ARHGAP26: variants seen among roughly 807,000 people sequenced by gnomAD.
ARHGAP26 encodes rho GTPase-activating protein 26.
ARHGAP26 carries 38 observed loss-of-function variants against 104.8 expected under a neutral mutation model. The observed-to-expected ratio is 0.36, with a 90% CI of 0.28 to 0.48. The LOEUF (loss-of-function observed/expected upper bound fraction) is 0.48. Among genes scored for constraint, ARHGAP26 ranks in the 20% least tolerant of loss-of-function variants. ARHGAP26 has a pLI of 0.99. For missense variants in ARHGAP26, 704 were observed against 947.9 expected, an observed-to-expected ratio of 0.74 and a Z score of 3.38; for synonymous variants, 341 against 340.0, an observed-to-expected ratio of 1.00 and a Z score of -0.03.
At chr5:142,868,393 CAT>C (rs1754702184) in intron 1 of ARHGAP26, among the ~76,000 whole-genome samples, 1 of 152,066 alleles carries the variant, frequency 6.6e-6, no homozygotes, top group African/African-American at 2.4e-5. Flanking sequence ...TCTGGGAAGC[CAT>C]CACAGGGCTC....
At chr5:142,821,239 C>G (rs1766106414) in intron 1 of ARHGAP26, among the ~76,000 whole-genome samples, 1 of 150,570 alleles carries the variant, frequency 6.6e-6, no homozygotes, top group African/African-American at 2.4e-5. Flanking sequence ...GTGCATCTCT[C>G]TATTCCACCC....
chr5:143,118,132 A>G (rs1795712949), intron 17 of ARHGAP26, among the ~76,000 whole-genome samples: 1 of 152,204 alleles, frequency 6.6e-6, no homozygotes, highest in African/African-American at 2.4e-5. Context: ...AGCCTTGCAT[A>G]TTAACAGTTT....
intron 11 of ARHGAP26, among the ~76,000 whole-genome samples, chr5:142,967,830 C>T (rs991236380): frequency 6.6e-6 from 1 of 151,934 alleles, no homozygotes; most frequent in African/African-American, 2.4e-5. Context: ...GGGTGGTGCA[C>T]GGATATGAAT....
chr5:143,174,312 C>T (rs769811178), intron 20 of ARHGAP26, among the ~76,000 whole-genome samples: 2 of 152,180 alleles, frequency 1.3e-5, no homozygotes, highest in African/African-American at 4.8e-5. Flanking sequence ...ATGGAGCAAT[C>T]TCCAGGAGAT....
chr5:143,190,970 T>C (rs930626864), intron 20 of ARHGAP26, among the ~76,000 whole-genome samples: 1 of 152,218 alleles, frequency 6.6e-6, no homozygotes, highest in African/African-American at 2.4e-5. Flanking sequence ...TTTTGTGAAA[T>C]ATCTAGAAAA....
intron 19 of ARHGAP26, among the ~76,000 whole-genome samples, chr5:143,140,019 G>A (rs571506775): frequency 9.2e-5 from 14 of 152,294 alleles, no homozygotes; most frequent in South Asian, 6.2e-4. Context: ...GTTGAAATGC[G>A]TTTCTTGGAA....
intron 1 of ARHGAP26, among the ~76,000 whole-genome samples, chr5:142,853,243 G>A (rs938172766): frequency 1.8e-4 from 28 of 152,100 alleles, no homozygotes; most frequent in African/African-American, 6.0e-4. Flanking sequence ...GGAGTGCACT[G>A]TTACCATCTT....
At chr5:142,805,263 T>C (rs1008905526) in intron 1 of ARHGAP26, among the ~76,000 whole-genome samples, 1 of 152,008 alleles carries the variant, frequency 6.6e-6, no homozygotes, top group African/African-American at 2.4e-5. Context: ...CCACCACACC[T>C]GGCTAATTTT....
At chr5:143,203,650 T>C (rs1162149078) in intron 20 of ARHGAP26, 2 of 152,192 alleles carry the variant, frequency 1.3e-5, no homozygotes, top group Non-Finnish European at 2.9e-5. Context: ...CTGTTCACAA[T>C]AGCAAAGACT....
intron 12 of ARHGAP26, among the ~76,000 whole-genome samples, chr5:143,029,491 A>G (rs1004205439): frequency 7.0e-6 from 1 of 142,332 alleles, no homozygotes; most frequent in Non-Finnish European, 1.5e-5. Context: ...TGTAACCTCA[A>G]CCTCGTGGGC....
intron 6 of ARHGAP26, among the ~76,000 whole-genome samples, chr5:142,894,552 G>A (rs1289060861): frequency 6.6e-6 from 1 of 152,190 alleles, no homozygotes; most frequent in Non-Finnish European, 1.5e-5. Flanking sequence ...TAGCAATGGA[G>A]ATAGAGCGTC....
chr5:142,816,651 T>C (rs539190959), intron 1 of ARHGAP26, among the ~76,000 whole-genome samples: 17 of 152,280 alleles, frequency 1.1e-4, no homozygotes, highest in Non-Finnish European at 4.4e-5. Flanking sequence ...CTTCAGGGAA[T>C]GGGAGTCACA....
At chr5:143,076,870 C>T (rs929588996) in intron 17 of ARHGAP26, among the ~76,000 whole-genome samples, 3 of 151,510 alleles carry the variant, frequency 2.0e-5, no homozygotes, top group East Asian at 1.9e-4. Context: ...TCCCTTTCCT[C>T]GTATTCCTAA....
At chr5:142,906,558 G>A (rs1598180503) in intron 8 of ARHGAP26, among the ~76,000 whole-genome samples, 1 of 152,084 alleles carries the variant, frequency 6.6e-6, no homozygotes. Context: ...TCTTTCCATT[G>A]TCAGTTTGGA....
At chr5:143,095,435 A>C (rs987891037) in intron 17 of ARHGAP26, among the ~76,000 whole-genome samples, 3 of 152,182 alleles carry the variant, frequency 2.0e-5, no homozygotes, top group African/African-American at 4.8e-5. Context: ...GGACTTCAAC[A>C]GCCTTTGTCT....
At chr5:143,079,258 A>G (rs766931546) in intron 17 of ARHGAP26, among the ~76,000 whole-genome samples, 4 of 152,258 alleles carry the variant, frequency 2.6e-5, no homozygotes, top group Non-Finnish European at 4.4e-5. Context: ...GAGGAAGCCT[A>G]TGAAACATTA....
chr5:142,797,801 G>C (rs17099517), intron 1 of ARHGAP26, among the ~76,000 whole-genome samples: 36,830 of 152,094 alleles, frequency 0.24, 6,875 homozygotes, highest in African/African-American at 0.5. Context: ...AAGACCAGTT[G>C]CCACTCTGTT....
At chr5:143,046,140 A>G (rs2150183030) in intron 14 of ARHGAP26, among the ~76,000 whole-genome samples, 1 of 152,094 alleles carries the variant, frequency 6.6e-6, no homozygotes, top group South Asian at 2.1e-4. Context: ...ATCCCCAAAA[A>G]TAAAAAATAC....
chr5:142,930,531 G>C (rs1764555055), intron 10 of ARHGAP26, among the ~76,000 whole-genome samples: 1 of 152,092 alleles, frequency 6.6e-6, no homozygotes, highest in South Asian at 2.1e-4. Context: ...CTTGGGATCA[G>C]TGTTCCACCA....
Sources: allele counts gnomAD v4.1 joint callset (sites outside exome capture counted in the v4.1 genomes callset), GRCh38; gene constraint gnomAD v4.1.1; transcripts MANE v1.5; gene names NCBI Gene and HGNC (gene_info 2026-07-23, HGNC 2026-07-21).